The following P2RY14 variants were observed in gnomAD, a reference collection of about 807,000 sequenced individuals.
P2RY14 encodes the protein P2Y purinoceptor 14.
A neutral mutation model predicts 0.9 loss-of-function variants in P2RY14; 2 were observed. The ratio of observed to expected loss-of-function variants is 2.16; its 90% CI spans 0.88 to 6.79. The LOEUF (loss-of-function observed/expected upper bound fraction) is 6.79. Among genes scored for constraint, P2RY14 ranks in the 30% most tolerant of loss-of-function variants. The probability of loss-of-function intolerance (pLI) is 0.05; values close to 1 mark genes in which losing one functional copy is unlikely to be tolerated. For missense variants in P2RY14, 378 were observed against 400.1 expected (o/e 0.94, Z 0.47); for synonymous variants, 158 against 147.2 (o/e 1.07, Z -0.53).
chr3:151,264,943 C>G (rs1211912473), intron 1 of P2RY14, among the ~76,000 whole-genome samples: 1 of 152,162 alleles, frequency 6.6e-6, no homozygotes, highest in Non-Finnish European at 1.5e-5. Flanking sequence ...TCTTGCTCCT[C>G]CACTTCAAAG....
At chr3:151,233,542 T>C (rs1732129359) in intron 1 of P2RY14, among the ~76,000 whole-genome samples, 1 of 152,204 alleles carries the variant, frequency 6.6e-6, no homozygotes, top group African/African-American at 2.4e-5. Flanking sequence ...GAGACCAGCC[T>C]GACCAACATG....
intron 1 of P2RY14, among the ~76,000 whole-genome samples, chr3:151,245,532 C>T (rs1234864275): frequency 1.3e-5 from 2 of 148,342 alleles, no homozygotes; most frequent in African/African-American, 2.5e-5. Context: ...ATGATTATCT[C>T]AATAGATGCA....
At chr3:151,231,327 T>C (rs1220523499) in intron 1 of P2RY14, among the ~76,000 whole-genome samples, 3 of 152,172 alleles carry the variant, frequency 2.0e-5, no homozygotes, top group Non-Finnish European at 4.4e-5. Flanking sequence ...TGTGGGAGAA[T>C]AGTATCTTTC....
At chr3:151,254,930 C>T (rs906126310) in intron 1 of P2RY14, among the ~76,000 whole-genome samples, 2 of 152,186 alleles carry the variant, frequency 1.3e-5, no homozygotes, top group Non-Finnish European at 2.9e-5. Flanking sequence ...TGAGACTTGT[C>T]TGCTACCAAA....
chr3:151,274,519 C>T (rs1355930359), intron 1 of P2RY14, among the ~76,000 whole-genome samples: 1 of 152,216 alleles, frequency 6.6e-6, no homozygotes, highest in Non-Finnish European at 1.5e-5. Context: ...GAACATTCAA[C>T]ACTAAAGGCC....
intron 1 of P2RY14, among the ~76,000 whole-genome samples, chr3:151,267,593 T>A (rs1017768416): frequency 7.9e-5 from 12 of 152,182 alleles, no homozygotes; most frequent in African/African-American, 2.2e-4. Context: ...AACATTTTTT[T>A]AAAGCCACCT....
At position 151,233,550 on chromosome 3, in the gene P2RY14, A is replaced by G. The variant is rs113429808; in HGVS notation, c.-132-13908T>C. ...GGAGTTTGAGACCAGCCTGACCAAC[A>G]TGGAGAAACCCTGTCTCTACTAAAA... On this transcript the variant is annotated intron_variant, in intron 1 of 2. Coordinates refer to ENST00000309170, the MANE Select transcript of P2RY14 (RefSeq NM_014879.4). 7.4e-4 allele frequency among the ~76,000 whole-genome samples: 113 copies of G among 152,300 alleles called. 1 individual carries two copies. The highest frequency in any genetic ancestry group is 2.5e-3 in the African/African-American group (106 of 41,570).
intron 1 of P2RY14, among the ~76,000 whole-genome samples, chr3:151,223,748 A>G (rs554948418): frequency 6.6e-6 from 1 of 152,336 alleles, no homozygotes; most frequent in East Asian, 1.9e-4. Flanking sequence ...TGTGTTCACT[A>G]TTTGGGTGAT....
chr3:151,223,491 T>C (rs1729836637), intron 1 of P2RY14, among the ~76,000 whole-genome samples: 1 of 152,204 alleles, frequency 6.6e-6, no homozygotes, highest in African/African-American at 2.4e-5. Context: ...ACATATACAC[T>C]GTGGAATACT....
intron 1 of P2RY14, among the ~76,000 whole-genome samples, chr3:151,273,432 A>G (rs4475010): frequency 0.48 from 67,798 of 141,644 alleles, 16,408 homozygotes; most frequent in Middle Eastern, 0.64. Context: ...TAGTAGAGAC[A>G]GAGTTTCACC....
intron 1 of P2RY14, among the ~76,000 whole-genome samples, chr3:151,242,203 G>A (rs1308453870): frequency 2.0e-5 from 3 of 152,146 alleles, no homozygotes; most frequent in Non-Finnish European, 2.9e-5. Context: ...GGGGAGGGGC[G>A]CCCGCCATTG....
chr3:151,241,313 AT>A (rs1734032350), intron 1 of P2RY14, among the ~76,000 whole-genome samples: 2 of 152,196 alleles, frequency 1.3e-5, no homozygotes, highest in South Asian at 4.1e-4. Context: ...AAATATATGT[AT>A]TTGTATCAAT....
intron 1 of P2RY14, among the ~76,000 whole-genome samples, chr3:151,258,142 T>G (rs1485365180): frequency 2.0e-5 from 3 of 152,190 alleles, no homozygotes; most frequent in African/African-American, 7.2e-5. Flanking sequence ...GGATTCATTT[T>G]CTTCCACAGG....
intron 1 of P2RY14, among the ~76,000 whole-genome samples, chr3:151,246,046 A>G (rs1162535813): frequency 4.1e-4 from 62 of 151,704 alleles, no homozygotes; most frequent in Non-Finnish European, 6.8e-4. Flanking sequence ...TAAAATACCT[A>G]GGAATCCAAC....
At chr3:151,252,072 G>A (rs780889389) in intron 1 of P2RY14, among the ~76,000 whole-genome samples, 5 of 152,000 alleles carry the variant, frequency 3.3e-5, no homozygotes, top group Non-Finnish European at 7.4e-5. Context: ...GATGCAGTTG[G>A]CCCACCCTTT....
At chr3:151,245,907 G>A (rs1470097156) in intron 1 of P2RY14, among the ~76,000 whole-genome samples, 2 of 151,564 alleles carry the variant, frequency 1.3e-5, no homozygotes, top group Non-Finnish European at 2.9e-5. Flanking sequence ...AAGCTGATAA[G>A]CAACTTCAGC....
intron 1 of P2RY14, chr3:151,269,595 G>T: frequency 3.0e-6 from 1 of 333,206 alleles, no homozygotes; most frequent in South Asian, 2.9e-5. Context: ...ATCCACAAGT[G>T]TCTACATTAC....
At chr3:151,260,639 C>T (rs1268918280) in intron 1 of P2RY14, among the ~76,000 whole-genome samples, 1 of 152,176 alleles carries the variant, frequency 6.6e-6, no homozygotes, top group Non-Finnish European at 1.5e-5. Context: ...ACCTGAACCA[C>T]TGCACCTGGC....
At chr3:151,253,196 A>G (rs912541948) in intron 1 of P2RY14, among the ~76,000 whole-genome samples, 7 of 152,180 alleles carry the variant, frequency 4.6e-5, no homozygotes, top group African/African-American at 1.7e-4. Flanking sequence ...TCAGTGTCTG[A>G]GATTTAAGAG....
Sources: allele counts gnomAD v4.1 joint callset (sites outside exome capture counted in the v4.1 genomes callset), GRCh38; gene constraint gnomAD v4.1.1; transcripts MANE v1.5; gene names NCBI Gene and HGNC (gene_info 2026-07-23, HGNC 2026-07-21).